BRWD1: variants seen among roughly 807,000 people sequenced by gnomAD.
The protein encoded by BRWD1 is bromodomain and WD repeat domain containing 1.
A neutral mutation model predicts 251.2 loss-of-function variants in BRWD1; 82 were observed. The ratio of observed to expected loss-of-function variants is 0.33; its 90% CI spans 0.27 to 0.39. The LOEUF (loss-of-function observed/expected upper bound fraction) is 0.39. BRWD1 is among the 10% of genes least tolerant of loss of function. The pLI, the probability that BRWD1 is intolerant of heterozygous loss-of-function variation, is 1.00. For missense variants in BRWD1, 2,233 were observed against 2,711.6 expected (o/e 0.82, Z 3.92); for synonymous variants, 918 against 902.8 (o/e 1.02, Z -0.30).
intron 15 of BRWD1, 133 bp downstream of exon 15, chr21:39,269,766 G>C: frequency 1.6e-6 from 1 of 636,706 alleles, no homozygotes; most frequent in Non-Finnish European, 2.4e-6. Context: ...CTAATATTTA[G>C]CAGGCTTTGA....
upstream of BRWD1, among the ~76,000 whole-genome samples, chr21:39,316,574 C>G (rs2036700887): frequency 6.6e-6 from 1 of 152,146 alleles, no homozygotes; most frequent in Non-Finnish European, 1.5e-5. Context: ...ATTTATATCC[C>G]AAGCTCTGGT....
chr21:39,301,601 G>A (rs549705438), intron 4 of BRWD1, among the ~76,000 whole-genome samples: 3 of 152,132 alleles, frequency 2.0e-5, no homozygotes, highest in Admixed American at 6.6e-5. Flanking sequence ...TGCACCTTCA[G>A]AGAAAAGGAG....
chr21:39,266,786 G>A (rs1165037597), intron 15 of BRWD1, among the ~76,000 whole-genome samples: 1 of 152,106 alleles, frequency 6.6e-6, no homozygotes, highest in Non-Finnish European at 1.5e-5. Flanking sequence ...ACCCTATTTA[G>A]TCTATCTAGA....
chr21:39,313,915 G>T, upstream of BRWD1: 1 of 315,474 alleles, frequency 3.2e-6, no homozygotes, highest in Non-Finnish European at 6.1e-6. Flanking sequence ...GCGGCAGCGC[G>T]ACGCCGGGTG....
rs573332958 is a variant in BRWD1, at chr21:39,260,183, T to C, written c.1886-1511A>G. ...TTAATCTAAAAAGATAAGAAGATTT[T>C]AATTAGAATTGCTTATAACACAAAA... On this transcript the variant is annotated intron_variant, in intron 17 of 40. Coordinates refer to ENST00000342449, the MANE Select transcript of BRWD1 (RefSeq NM_033656.4). Among the ~76,000 whole-genome samples, 3 of 152,370 alleles carry C rather than the reference T, an allele frequency of 2.0e-5. No individual in the cohort carries two copies. The South Asian group carries it at 6.2e-4, about 32-fold the overall frequency.
intron 29 of BRWD1, among the ~76,000 whole-genome samples, chr21:39,220,586 T>G (rs2033136795): frequency 6.6e-6 from 1 of 152,186 alleles, no homozygotes; most frequent in South Asian, 2.1e-4. Flanking sequence ...TGTAAAATTA[T>G]AACACAGGTA....
Position 39,196,541 on chromosome 21 carries a change from G to A in BRWD1, c.6528C>T (p.Thr2176=), listed in dbSNP as rs1309336541. 4 of 1,613,128 alleles carry A rather than the reference G, an allele frequency of 2.5e-6. No homozygotes were observed. In the East Asian group the frequency reaches 6.7e-5, roughly 27 times the overall value. ...CTTTTCCTTTCGTTTTCCTCCTTTTGGTTTTTGTATTATCAGTACAGTCAA... is the reference window on the plus strand; with the variant it reads ...CTTTTCCTTTCGTTTTCCTCCTTTTAGTTTTTGTATTATCAGTACAGTCAA... ...SDIDCTDNTK[T]KRRKTKGKAK... Residue 2176 remains threonine (T), a synonymous_variant, in exon 41 of 41, where the codon ACC becomes ACT. Transcript: ENST00000342449.
chr21:39,282,959 C>CAAA (rs71269097), intron 8 of BRWD1, among the ~76,000 whole-genome samples: 50 of 88,878 alleles, frequency 5.6e-4, no homozygotes, highest in African/African-American at 1.8e-3. Flanking sequence ...AACTCCGTCA[C>CAAA]AAAAAAAAAA....
intron 4 of BRWD1, among the ~76,000 whole-genome samples, chr21:39,300,949 C>T (rs527872931): frequency 4.6e-5 from 7 of 152,194 alleles, no homozygotes; most frequent in Admixed American, 1.3e-4. Flanking sequence ...GAGGCCAAGG[C>T]GGGCAGATTA....
chr21:39,192,653 G>C lies in BRWD1; in HGVS notation c.*3606C>G. 1.0e-6 allele frequency: 1 copy of C among 984,990 alleles called. No individual in the cohort carries two copies. The highest frequency in any genetic ancestry group is 4.7e-5 in the South Asian group (1 of 21,284). The allele number at this position is 984,990 out of a possible 1,614,324, so 61.0% of individuals were successfully genotyped here. A position where few individuals can be genotyped will look rare whatever the true frequency, so the allele number is the denominator to read the frequency against. ...TATATCAACTTACTATTCATGAAAAGAATGGAGCTGGTTATTTCAGCTTTA... is the reference window on the plus strand; with the variant it reads ...TATATCAACTTACTATTCATGAAAACAATGGAGCTGGTTATTTCAGCTTTA... On this transcript the variant is annotated 3_prime_UTR_variant, in exon 41 of 41. Transcript: ENST00000342449.
At chr21:39,258,433 T>G in intron 18 of BRWD1, 54 bp downstream of exon 18, 1 of 1,388,600 alleles carries the variant, frequency 7.2e-7, no homozygotes, top group Non-Finnish European at 9.6e-7. Flanking sequence ...CTTCGTTTAC[T>G]CTTTAATTTC....
chr21:39,195,161 G>T lies in BRWD1; in HGVS notation c.*1098C>A. The T allele has an allele frequency of 9.3e-7, 1 of 1,076,756 alleles. No homozygotes were observed. The highest frequency in any genetic ancestry group is 1.1e-6 in the Non-Finnish European group (1 of 887,834). 66.7% of individuals were successfully genotyped at this position (1,076,756 alleles called of 1,614,324 possible). ...GTCACTAATAAAGATACATTTAGTTGCCCCAGCAAAGAATGCTTAGGATTG... is the reference window on the plus strand; with the variant it reads ...GTCACTAATAAAGATACATTTAGTTTCCCCAGCAAAGAATGCTTAGGATTG... On this transcript the variant is annotated 3_prime_UTR_variant, in exon 41 of 41. Coordinates refer to ENST00000342449, the MANE Select transcript of BRWD1 (RefSeq NM_033656.4).
upstream of BRWD1, among the ~76,000 whole-genome samples, chr21:39,315,325 A>G (rs1023048312): frequency 1.3e-5 from 2 of 151,920 alleles, no homozygotes; most frequent in Non-Finnish European, 2.9e-5. Flanking sequence ...ATATATATTT[A>G]TAAATGGACA....
intron 15 of BRWD1, among the ~76,000 whole-genome samples, chr21:39,268,919 C>T (rs1333957396): frequency 1.3e-5 from 2 of 151,970 alleles, no homozygotes; most frequent in African/African-American, 4.8e-5. Flanking sequence ...ACCCGGGAGG[C>T]GGAGCTTGCA....
rs2031853472 is a variant in BRWD1, at chr21:39,196,932, C to A, written c.6137G>T (p.Ser2046Ile). ...HKIDAPSKRKSSSVTSSGEDS... is the reference protein window; with the variant it reads ...HKIDAPSKRKISSVTSSGEDS... ...TTCTCCTGAAGATGTAACAGAGGAA[C>A]TTTTTCTTTTAGAAGGTGCATCTAT... Residue 2046 changes from serine to isoleucine, a missense_variant, in exon 41 of 41, where the codon AGT becomes ATT. This residue lies in a region of BRWD1 where 928 missense variants were observed against 970.0 expected (regional missense o/e 0.96). Transcript: ENST00000342449. 2 of 1,613,678 alleles carry A rather than the reference C, an allele frequency of 1.2e-6. No individual in the cohort carries two copies. Among genetic ancestry groups the A allele is most frequent in the Admixed American group, 3.3e-5 (2 of 59,984 alleles).
chr21:39,188,356 G>C lies in BRWD1; in HGVS notation c.*7903C>G, dbSNP rs1158875650. 1 of 985,206 alleles carries C rather than the reference G, an allele frequency of 1.0e-6. No individual in the cohort carries two copies. Among genetic ancestry groups the C allele is most frequent in the Non-Finnish European group, 1.2e-6 (1 of 829,918 alleles). The allele number at this position is 985,206 out of a possible 1,614,324, so 61.0% of individuals were successfully genotyped here. On this transcript the variant is annotated 3_prime_UTR_variant, in exon 41 of 41. Transcript: ENST00000342449. ...AGACATTTAGCATTCAAAAGGTAAG[G>C]CTGTAGATCACTGAAATAACCAGTT...
chr21:39,262,652 T>C (rs1373851768), intron 17 of BRWD1, among the ~76,000 whole-genome samples: 3 of 151,152 alleles, frequency 2.0e-5, no homozygotes, highest in African/African-American at 4.9e-5. Flanking sequence ...GTGGCGGAGG[T>C]TGCAGTGAGC....
chr21:39,241,865 T>C (rs968652807), intron 21 of BRWD1, among the ~76,000 whole-genome samples: 1 of 152,198 alleles, frequency 6.6e-6, no homozygotes, highest in African/African-American at 2.4e-5. Context: ...ATTGTATCTG[T>C]TACTGTGATT....
rs768623802 is a variant in BRWD1 at position 39,210,775 on chromosome 21, T to C, written c.4044+11A>G. The C allele has an allele frequency of 4.4e-6, 7 of 1,597,646 alleles. No homozygotes were observed. Among genetic ancestry groups the C allele is most frequent in the Non-Finnish European group, 5.1e-6 (6 of 1,174,932 alleles). On this transcript the variant is annotated intron_variant, in intron 35 of 40. Coordinates refer to ENST00000342449, the MANE Select transcript of BRWD1 (RefSeq NM_033656.4). ...AGAAAAGCCCCAAACATTTAAACAA[T>C]GGAAACTTACTGGATATTCAACCAA...
Sources: allele counts gnomAD v4.1 joint callset (sites outside exome capture counted in the v4.1 genomes callset), GRCh38; gene constraint gnomAD v4.1.1; regional missense constraint gnomAD v4.1.1; transcripts MANE v1.5; gene names NCBI Gene and HGNC (gene_info 2026-07-23, HGNC 2026-07-21).